FXN: variants seen among roughly 807,000 people sequenced by gnomAD.
The protein encoded by FXN is frataxin, mitochondrial.
Under a neutral mutation model 22.4 loss-of-function variants are expected in FXN, and 14 were observed. That is an observed-to-expected ratio of 0.62 (90% CI 0.41 to 0.98). The LOEUF (loss-of-function observed/expected upper bound fraction) is 0.98, where lower values mean the gene tolerates loss of function less well. Among genes scored for constraint, FXN ranks in the 50% least tolerant of loss-of-function variants. The pLI is 0.00. For missense variants in FXN, 267 were observed against 268.4 expected (o/e 0.99, Z 0.04); for synonymous variants, 120 against 114.1 (o/e 1.05, Z -0.33).
chr9:69,037,840 A>G (rs561829158), intron 1 of FXN, among the ~76,000 whole-genome samples: 1 of 152,230 alleles, frequency 6.6e-6, no homozygotes, highest in African/African-American at 2.4e-5. Context: ...TTTAGTAGAG[A>G]CAGATTTCTC....
chr9:69,043,990 G>A (rs1299108237), intron 1 of FXN, among the ~76,000 whole-genome samples: 1 of 152,110 alleles, frequency 6.6e-6, no homozygotes, highest in East Asian at 1.9e-4. Flanking sequence ...CCCAAAGTGC[G>A]GGGATTACAG....
At chr9:69,069,691 A>C (rs1200383443) in intron 4 of FXN, among the ~76,000 whole-genome samples, 1 of 152,240 alleles carries the variant, frequency 6.6e-6, no homozygotes, top group African/African-American at 2.4e-5. Flanking sequence ...GCAAGGGCAC[A>C]GCTGGAGACG....
At chr9:69,048,122 G>A (rs1014989056) in intron 2 of FXN, among the ~76,000 whole-genome samples, 1 of 152,162 alleles carries the variant, frequency 6.6e-6, no homozygotes, top group African/African-American at 2.4e-5. Context: ...AATTTCCTCC[G>A]TGGATGGGAG....
At chr9:69,044,876 A>G (rs986664868) in intron 1 of FXN, among the ~76,000 whole-genome samples, 5 of 152,364 alleles carry the variant, frequency 3.3e-5, no homozygotes, top group Middle Eastern at 3.4e-3. Context: ...GCAGATCATG[A>G]TAATAAGATC....
intron 4 of FXN, among the ~76,000 whole-genome samples, chr9:69,067,593 G>A (rs2133130879): frequency 6.6e-6 from 1 of 152,274 alleles, no homozygotes; most frequent in South Asian, 2.1e-4. Flanking sequence ...AAGCTGTTGT[G>A]TCAATATCAA....
At position 69,078,052 on chromosome 9, in the gene FXN, G is replaced by C; in HGVS notation, c.*5290G>C. 1 of 985,348 alleles carries C rather than the reference G, an allele frequency of 1.0e-6. No homozygotes were observed. Among genetic ancestry groups the C allele is most frequent in the Non-Finnish European group, 1.2e-6 (1 of 829,916 alleles). The allele number at this position is 985,348 out of a possible 1,614,324, so 61.0% of individuals were successfully genotyped here. A position where few individuals can be genotyped will look rare whatever the true frequency, so the allele number is the denominator to read the frequency against. On this transcript the variant is annotated 3_prime_UTR_variant, in exon 5 of 5. Transcript: ENST00000484259. ...TACCGCACTCTATGATGCTAGCTGA[G>C]ATTTTTCCAAAAGAAAATGGCTTAA...
At position 69,072,791 on chromosome 9, in the gene FXN, AG is replaced by A; in HGVS notation, c.*30del. 2.5e-6 allele frequency: 4 copies of A among 1,613,948 alleles called. No individual in the cohort carries two copies. Among genetic ancestry groups the A allele is most frequent in the Non-Finnish European group, 3.4e-6 (4 of 1,180,020 alleles). On this transcript the variant is annotated 3_prime_UTR_variant, in exon 5 of 5. Coordinates refer to ENST00000484259, the MANE Select transcript of FXN (RefSeq NM_000144.5). ...CCAGCCCCGTTTTAAGGACATTAAA[AG>A]CTATCAGGCCAAGACCCCAGCTTCA...
intron 3 of FXN, among the ~76,000 whole-genome samples, chr9:69,063,358 T>G (rs1249840428): frequency 6.6e-6 from 1 of 152,120 alleles, no homozygotes; most frequent in East Asian, 1.9e-4. Context: ...CTGAGTACTC[T>G]TTACTATGAA....
intron 3 of FXN, among the ~76,000 whole-genome samples, chr9:69,059,391 CTTTTTT>C (rs35159671): frequency 3.2e-5 from 2 of 62,996 alleles, no homozygotes; most frequent in Non-Finnish European, 5.3e-5. Context: ...GAGGCAGCAT[CTTTTTT>C]TTTTTTTTTT....
At chr9:69,071,841 G>A (rs1587831877) in intron 4 of FXN, among the ~76,000 whole-genome samples, 1 of 152,130 alleles carries the variant, frequency 6.6e-6, no homozygotes, top group South Asian at 2.1e-4. Flanking sequence ...TCAACCAACC[G>A]TGGATCAAAA....
intron 2 of FXN, among the ~76,000 whole-genome samples, chr9:69,050,027 A>G (rs1350996442): frequency 6.6e-6 from 1 of 152,202 alleles, no homozygotes; most frequent in East Asian, 1.9e-4. Flanking sequence ...ACTTCTAGTC[A>G]TTAACCCCTC....
rs1372039162 is a variant in FXN at position 69,065,032 on chromosome 9, C to G, written c.479C>G (p.Ser160Cys). The change falls in exon 4 of 5, where the codon TCC (serine) becomes TGC (cysteine). Residue 160 changes from serine to cysteine, a missense_variant. Coordinates refer to ENST00000484259, the MANE Select transcript of FXN (RefSeq NM_000144.5). ...PNKQIWLSSPSSGPKRYDWTG... is the reference protein window; with the variant it reads ...PNKQIWLSSPCSGPKRYDWTG... ...AAGCAAATCTGGCTATCTTCTCCAT[C>G]CAGGTATGTAGGTATGTTCAGAAGT... 1 of 1,609,944 alleles carries G rather than the reference C, an allele frequency of 6.2e-7. No homozygotes were observed. Among genetic ancestry groups the G allele is most frequent in the Non-Finnish European group, 8.5e-7 (1 of 1,176,400 alleles).
chr9:69,070,325 CA>C (rs1175190983), intron 4 of FXN, among the ~76,000 whole-genome samples: 1 of 152,196 alleles, frequency 6.6e-6, no homozygotes, highest in African/African-American at 2.4e-5. Context: ...AAAATGACCA[CA>C]ATGGGAAGAA....
In FXN at chr9:69,035,852, C is replaced by T. The variant is rs1052328470; in HGVS notation, c.70C>T (p.Leu24Phe). The stretch of plus-strand genomic sequence containing the variant: ...ACCCAGCCCAGCCCAGGCCCAGACC[C>T]TCACCCGGGTCCCGCGGCCGGCAGA... The part of the protein sequence containing the change: ...ASPSPAQAQT[L>F]TRVPRPAELA... Residue 24 changes from leucine to phenylalanine, a missense_variant, in exon 1 of 5, where the codon CTC becomes TTC. Transcript: ENST00000484259. 178 of 1,500,612 alleles carry T rather than the reference C, an allele frequency of 1.2e-4. No homozygotes were observed. The highest frequency in any genetic ancestry group is 1.5e-4 in the Non-Finnish European group (171 of 1,131,826). The allele number at this position is 1,500,612 out of a possible 1,614,324, so 93.0% of individuals were successfully genotyped here.
At chr9:69,059,072 AAAAAG>A (rs1832017415) in intron 3 of FXN, among the ~76,000 whole-genome samples, 1 of 152,156 alleles carries the variant, frequency 6.6e-6, no homozygotes, top group Non-Finnish European at 1.5e-5. Flanking sequence ...CATCTTAAAA[AAAAAG>A]AAAAGAAAAA....
chr9:69,060,821 A>G (rs1199907089), intron 3 of FXN, among the ~76,000 whole-genome samples: 1 of 152,216 alleles, frequency 6.6e-6, no homozygotes, highest in Non-Finnish European at 1.5e-5. Flanking sequence ...TCATTCACAA[A>G]TGTCCTTTTT....
chr9:69,069,769 T>C (rs1416948378), intron 4 of FXN, among the ~76,000 whole-genome samples: 1 of 152,198 alleles, frequency 6.6e-6, no homozygotes, highest in Non-Finnish European at 1.5e-5. Flanking sequence ...GATGAGGCCA[T>C]AGCGGGAGTC....
intron 4 of FXN, among the ~76,000 whole-genome samples, chr9:69,067,869 T>C (rs1564339163): frequency 6.6e-6 from 1 of 152,226 alleles, no homozygotes; most frequent in Non-Finnish European, 1.5e-5. Context: ...CTTACTCTTA[T>C]TCACAGATGT....
Position 69,035,940 on chromosome 9 carries a change from G to A in FXN, c.158G>A (p.Arg53His), listed in dbSNP as rs1023779193. 2.1e-6 allele frequency: 3 copies of A among 1,428,100 alleles called. No homozygotes were observed. The highest frequency in any genetic ancestry group is 1.3e-5 in the South Asian group (1 of 76,860). The allele number at this position is 1,428,100 out of a possible 1,614,324, so 88.5% of individuals were successfully genotyped here. A position where few individuals can be genotyped will look rare whatever the true frequency, so the allele number is the denominator to read the frequency against. The change falls in exon 1 of 5, where the codon CGC (arginine) becomes CAC (histidine). Residue 53 changes from arginine to histidine, a missense_variant. Transcript: ENST00000484259. ...GACATCGATGCGACCTGCACGCCCC[G>A]CCGCGCAGTAAGTATCCGCGCCGGG... ...RTDIDATCTPRRASSNQRGLN... is the reference protein window; with the variant it reads ...RTDIDATCTPHRASSNQRGLN...
Sources: allele counts gnomAD v4.1 joint callset (sites outside exome capture counted in the v4.1 genomes callset), GRCh38; gene constraint gnomAD v4.1.1; transcripts MANE v1.5; gene names NCBI Gene and HGNC (gene_info 2026-07-23, HGNC 2026-07-21).